HCN1: variants seen among roughly 807,000 people sequenced by gnomAD.
The protein encoded by HCN1 is potassium/sodium hyperpolarization-activated cyclic nucleotide-gated channel 1.
A neutral mutation model predicts 78.9 loss-of-function variants in HCN1; 13 were observed. The ratio of observed to expected loss-of-function variants is 0.16; its 90% CI spans 0.11 to 0.26. The LOEUF is 0.26. Ranked by LOEUF, HCN1 falls within the 10% of genes least tolerant of loss-of-function variation. The pLI is 1.00. For synonymous variants in HCN1, 552 were observed against 455.5 expected (o/e 1.21, Z -2.70); for missense variants, 810 against 1,154.3 (o/e 0.70, Z 4.32).
chr5:45,658,573 G>T (rs1745838012), intron 1 of HCN1, among the ~76,000 whole-genome samples: 1 of 152,060 alleles, frequency 6.6e-6, no homozygotes, highest in Non-Finnish European at 1.5e-5. Context: ...GTGCCAGACA[G>T]TGGGCGCAGG....
intron 4 of HCN1, among the ~76,000 whole-genome samples, chr5:45,359,208 C>G (rs1264303811): frequency 6.6e-6 from 1 of 151,966 alleles, no homozygotes; most frequent in Non-Finnish European, 1.5e-5. Context: ...ATACACTTCA[C>G]ATTCCTGGAA....
intron 2 of HCN1, among the ~76,000 whole-genome samples, chr5:45,463,285 A>G (rs1741202012): frequency 6.6e-6 from 1 of 151,992 alleles, no homozygotes; most frequent in Non-Finnish European, 1.5e-5. Context: ...TTGCTTTTAT[A>G]AAATAACCAA....
chr5:45,323,405 T>G (rs1746164966), intron 5 of HCN1, among the ~76,000 whole-genome samples: 1 of 151,862 alleles, frequency 6.6e-6, no homozygotes, highest in Non-Finnish European at 1.5e-5. Flanking sequence ...CTATTACATC[T>G]TCACTGGACA....
At chr5:45,530,936 A>C (rs1329617408) in intron 2 of HCN1, among the ~76,000 whole-genome samples, 1 of 152,160 alleles carries the variant, frequency 6.6e-6, no homozygotes, top group Non-Finnish European at 1.5e-5. Flanking sequence ...GCAAGGATAG[A>C]CAAAAAGACT....
chr5:45,543,096 A>C (rs1285932035), intron 2 of HCN1, among the ~76,000 whole-genome samples: 1 of 152,112 alleles, frequency 6.6e-6, no homozygotes, highest in African/African-American at 2.4e-5. Context: ...TATGCATTTA[A>C]TTTTATGTTC....
intron 1 of HCN1, among the ~76,000 whole-genome samples, chr5:45,647,048 G>A (rs1745562641): frequency 1.3e-5 from 2 of 152,086 alleles, no homozygotes; most frequent in Admixed American, 1.3e-4. Context: ...AATGACTCCT[G>A]AAATAAAAGT....
intron 2 of HCN1, among the ~76,000 whole-genome samples, chr5:45,497,720 G>A (rs965584909): frequency 3.3e-5 from 5 of 152,078 alleles, no homozygotes; most frequent in Admixed American, 1.3e-4. Context: ...GCAGCAGCTG[G>A]TACTGGTTGT....
intron 2 of HCN1, among the ~76,000 whole-genome samples, chr5:45,529,713 G>T (rs906785148): frequency 6.6e-6 from 1 of 151,832 alleles, no homozygotes; most frequent in Non-Finnish European, 1.5e-5. Context: ...CAAAAGTTAA[G>T]GTCTTAAGGA....
chr5:45,447,302 G>T (rs187048414), intron 3 of HCN1, among the ~76,000 whole-genome samples: 1 of 152,168 alleles, frequency 6.6e-6, no homozygotes, highest in African/African-American at 2.4e-5. Flanking sequence ...TGATGCAGTG[G>T]TGTGATCTTG....
intron 2 of HCN1, among the ~76,000 whole-genome samples, chr5:45,620,475 A>G (rs1486504951): frequency 6.6e-6 from 1 of 151,878 alleles, no homozygotes; most frequent in Non-Finnish European, 1.5e-5. Context: ...TTATTTTCAA[A>G]TTAATTTTTT....
At chr5:45,357,940 C>A (rs1199965977) in intron 4 of HCN1, among the ~76,000 whole-genome samples, 1 of 151,880 alleles carries the variant, frequency 6.6e-6, no homozygotes, top group Admixed American at 6.6e-5. Context: ...GATTCTGGCA[C>A]CTCTCCCCTC....
chr5:45,541,271 T>G (rs1184180950), intron 2 of HCN1, among the ~76,000 whole-genome samples: 5 of 152,264 alleles, frequency 3.3e-5, no homozygotes, highest in African/African-American at 1.2e-4. Context: ...ATGCAGCAAA[T>G]TATTGATGAT....
At chr5:45,613,526 C>G (rs1744884271) in intron 2 of HCN1, among the ~76,000 whole-genome samples, 1 of 151,892 alleles carries the variant, frequency 6.6e-6, no homozygotes. Flanking sequence ...GGACTGTAAA[C>G]TAGTTCAACC....
chr5:45,444,306 C>T (rs1428200756), intron 3 of HCN1, among the ~76,000 whole-genome samples: 1 of 152,062 alleles, frequency 6.6e-6, no homozygotes, highest in African/African-American at 2.4e-5. Flanking sequence ...TTGAAAGCAT[C>T]ATTTCAGAAT....
intron 4 of HCN1, among the ~76,000 whole-genome samples, chr5:45,382,321 A>G (rs1249991677): frequency 6.6e-6 from 1 of 152,160 alleles, no homozygotes; most frequent in Non-Finnish European, 1.5e-5. Context: ...GTACACTGTA[A>G]GCTGCATGAA....
In HCN1 at chr5:45,322,497, G is replaced by C. The variant is rs544477512; in HGVS notation, c.1378-18658C>G. On this transcript the variant is annotated intron_variant, in intron 5 of 7. Coordinates refer to ENST00000303230, the MANE Select transcript of HCN1 (RefSeq NM_021072.4). ...GAGACCAGAAATGTGGCAGATTCTT[G>C]ATTTTTCTCATTTTAGAATATTTGC... is the stretch of plus-strand genomic sequence containing the variant. 2.0e-5 allele frequency among the ~76,000 whole-genome samples: 3 copies of C among 151,928 alleles called. No individual in the cohort carries two copies. The South Asian group carries it at 6.2e-4, about 32-fold the overall frequency.
At chr5:45,449,951 G>C (rs1449059512) in intron 3 of HCN1, among the ~76,000 whole-genome samples, 2 of 152,100 alleles carry the variant, frequency 1.3e-5, no homozygotes, top group African/African-American at 4.8e-5. Context: ...TCCCGCCTCA[G>C]CCTCCCGAGT....
At chr5:45,265,579 C>T (rs1203737545) in intron 7 of HCN1, among the ~76,000 whole-genome samples, 1 of 151,994 alleles carries the variant, frequency 6.6e-6, no homozygotes, top group African/African-American at 2.4e-5. Flanking sequence ...GTCTGCTGTC[C>T]TACTAATATA....
At chr5:45,401,562 A>T (rs1345542284) in intron 3 of HCN1, among the ~76,000 whole-genome samples, 1 of 151,828 alleles carries the variant, frequency 6.6e-6, no homozygotes, top group Non-Finnish European at 1.5e-5. Flanking sequence ...TTAAAAAGCT[A>T]TCTCTAAATA....
Sources: allele counts gnomAD v4.1 joint callset (sites outside exome capture counted in the v4.1 genomes callset), GRCh38; gene constraint gnomAD v4.1.1; transcripts MANE v1.5; gene names NCBI Gene and HGNC (gene_info 2026-07-23, HGNC 2026-07-21).